Variants in SORCS1 observed in about 807,000 individuals in gnomAD.
The protein encoded by SORCS1 is VPS10 domain-containing receptor SorCS1.
In SORCS1, 60 loss-of-function variants were observed where a neutral mutation model predicts 146.1. That is an observed-to-expected ratio of 0.41 (90% CI 0.33 to 0.51). The LOEUF is 0.51. SORCS1 is among the 20% of genes least tolerant of loss of function. The probability of loss-of-function intolerance (pLI) is 0.21; values close to 1 mark genes in which losing one functional copy is unlikely to be tolerated. For missense variants in SORCS1, 1,352 were observed against 1,487.6 expected, an observed-to-expected ratio of 0.91 and a Z score of 1.50; for synonymous variants, 637 against 584.0, an observed-to-expected ratio of 1.09 and a Z score of -1.31.
intron 6 of SORCS1, among the ~76,000 whole-genome samples, chr10:106,709,607 C>A (rs1455645483): frequency 1.3e-5 from 2 of 151,932 alleles, no homozygotes; most frequent in Non-Finnish European, 2.9e-5. Context: ...CACCACAATG[C>A]CCGGCTAATT....
chr10:107,019,295 TC>T lies in SORCS1; in HGVS notation c.559-62716del, dbSNP rs1201000107. On this transcript the variant is annotated intron_variant, in intron 1 of 25. Coordinates refer to ENST00000263054, the MANE Select transcript of SORCS1 (RefSeq NM_052918.5). ...TATTAAATATTAGACGATCATGCAG[TC>T]CTTGGCTCAAATTCCTGATGACAAC... 2.0e-5 allele frequency among the ~76,000 whole-genome samples: 3 copies of T among 152,284 alleles called. No homozygotes were observed. In the East Asian group the frequency reaches 5.8e-4, roughly 29 times the overall value.
intron 15 of SORCS1, among the ~76,000 whole-genome samples, chr10:106,672,017 C>G (rs996945666): frequency 2.6e-5 from 4 of 152,200 alleles, no homozygotes; most frequent in East Asian, 1.9e-4. Context: ...TTCCAGCTAA[C>G]GCAGGGCCCA....
chr10:107,151,137 G>A (rs1421897902), intron 1 of SORCS1, among the ~76,000 whole-genome samples: 1 of 152,186 alleles, frequency 6.6e-6, no homozygotes, highest in East Asian at 1.9e-4. Context: ...GAATTGGAAG[G>A]CTCAGAAGAA....
intron 5 of SORCS1, among the ~76,000 whole-genome samples, chr10:106,754,375 C>A (rs1190378074): frequency 6.6e-6 from 1 of 152,160 alleles, no homozygotes; most frequent in African/African-American, 2.4e-5. Flanking sequence ...CTTTAAGAAG[C>A]CTATGGATAC....
At chr10:106,591,399 A>G (rs904650199) in intron 24 of SORCS1, among the ~76,000 whole-genome samples, 3 of 152,236 alleles carry the variant, frequency 2.0e-5, no homozygotes, top group Non-Finnish European at 4.4e-5. Context: ...CTTATTGTGT[A>G]AATGAATGCA....
In SORCS1 at chr10:106,688,388, T is replaced by C. The variant is rs781387114; in HGVS notation, c.1414-50A>G. 9 of 1,584,220 alleles carry C rather than the reference T, an allele frequency of 5.7e-6. No individual in the cohort carries two copies. The South Asian group carries it at 9.3e-5, about 16-fold the overall frequency. The stretch of plus-strand genomic sequence containing the variant: ...AAATACATCAATTTGAGAAGGGATA[T>C]ATTTGTTTACTTTTTAAAAAAAGAA... On this transcript the variant is annotated intron_variant, in intron 9 of 25. Transcript: ENST00000263054.
chr10:106,973,679 T>C (rs1955882680), intron 1 of SORCS1, among the ~76,000 whole-genome samples: 1 of 152,232 alleles, frequency 6.6e-6, no homozygotes. Context: ...TTCCATTTTT[T>C]TCCCCCTTAA....
At chr10:106,685,143 G>A (rs1190437008) in intron 10 of SORCS1, among the ~76,000 whole-genome samples, 1 of 152,172 alleles carries the variant, frequency 6.6e-6, no homozygotes, top group Non-Finnish European at 1.5e-5. Context: ...AGCTTCAGAA[G>A]GTAGAAAATG....
At chr10:107,052,715 A>C (rs192899513) in intron 1 of SORCS1, among the ~76,000 whole-genome samples, 1 of 152,240 alleles carries the variant, frequency 6.6e-6, no homozygotes, top group East Asian at 1.9e-4. Flanking sequence ...TTCTTCTCAT[A>C]TATCTCCATG....
At chr10:107,022,610 C>G (rs574787974) in intron 1 of SORCS1, among the ~76,000 whole-genome samples, 1 of 152,016 alleles carries the variant, frequency 6.6e-6, no homozygotes, top group Admixed American at 6.6e-5. Flanking sequence ...AATAAGGCAG[C>G]GGACACAGGT....
intron 17 of SORCS1, among the ~76,000 whole-genome samples, chr10:106,664,394 G>A (rs985646671): frequency 1.3e-5 from 2 of 152,182 alleles, no homozygotes; most frequent in Non-Finnish European, 2.9e-5. Flanking sequence ...TGTAATCCCA[G>A]CACTTTGGGA....
intron 1 of SORCS1, among the ~76,000 whole-genome samples, chr10:106,989,045 G>A (rs1418221091): frequency 6.6e-6 from 1 of 151,310 alleles, no homozygotes; most frequent in Non-Finnish European, 1.5e-5. Context: ...CAGATCACAA[G>A]GTCAGGAGTT....
intron 3 of SORCS1, among the ~76,000 whole-genome samples, chr10:106,790,950 C>T (rs959460459): frequency 5.9e-5 from 9 of 152,124 alleles, no homozygotes; most frequent in African/African-American, 1.2e-4. Flanking sequence ...TCCCCAAAAA[C>T]GTACTCAGAA....
chr10:106,756,311 C>G (rs1412620880), intron 5 of SORCS1, among the ~76,000 whole-genome samples: 2 of 152,078 alleles, frequency 1.3e-5, no homozygotes, highest in Admixed American at 1.3e-4. Context: ...TTCTTAGGCA[C>G]AAGGCATGTA....
At chr10:106,997,503 G>A (rs1464152868) in intron 1 of SORCS1, among the ~76,000 whole-genome samples, 1 of 152,058 alleles carries the variant, frequency 6.6e-6, no homozygotes, top group Admixed American at 6.6e-5. Flanking sequence ...GTAAAACACT[G>A]CCCCAATTCA....
At chr10:106,665,303 G>A (rs1851042246) in intron 17 of SORCS1, among the ~76,000 whole-genome samples, 1 of 151,774 alleles carries the variant, frequency 6.6e-6, no homozygotes, top group African/African-American at 2.4e-5. Context: ...AAGGGGCTTT[G>A]TCAAGTAAAA....
intron 3 of SORCS1, among the ~76,000 whole-genome samples, chr10:106,825,269 C>CTTTTT (rs35830829): frequency 3.4e-5 from 4 of 119,188 alleles, no homozygotes; most frequent in Non-Finnish European, 5.1e-5. Flanking sequence ...GAGATTTCAA[C>CTTTTT]TTTTTTTTTT....
At chr10:106,986,474 C>T (rs72811185) in intron 1 of SORCS1, among the ~76,000 whole-genome samples, 14 of 151,324 alleles carry the variant, frequency 9.3e-5, no homozygotes, top group Non-Finnish European at 1.6e-4. Flanking sequence ...AGACTGTTAC[C>T]TAATATGAAG....
At chr10:107,103,342 G>A (rs1965078287) in intron 1 of SORCS1, among the ~76,000 whole-genome samples, 1 of 152,134 alleles carries the variant, frequency 6.6e-6, no homozygotes, top group Admixed American at 6.5e-5. Flanking sequence ...TTGTCATTGT[G>A]GATGGCAGTA....
Sources: gnomAD v4.1 joint callset for allele counts (sites outside exome capture counted in the v4.1 genomes callset) on GRCh38, gnomAD v4.1.1 for gene constraint, MANE v1.5 for transcripts, NCBI Gene and HGNC (gene_info 2026-07-23, HGNC 2026-07-21) for gene names.